Variants in CUL2 observed in about 807,000 individuals in gnomAD.
CUL2 encodes cullin-2.
CUL2 carries 22 observed loss-of-function variants against 110.2 expected under a neutral mutation model. The observed-to-expected ratio is 0.20, with a 90% CI of 0.14 to 0.28. The LOEUF (loss-of-function observed/expected upper bound fraction) is 0.28, where lower values mean the gene tolerates loss of function less well. Ranked by LOEUF, CUL2 falls within the 10% of genes least tolerant of loss-of-function variation. CUL2 has a pLI of 1.00. For synonymous variants in CUL2, 279 were observed against 293.2 expected, an observed-to-expected ratio of 0.95 and a Z score of 0.49; for missense variants, 631 against 905.5, an observed-to-expected ratio of 0.70 and a Z score of 3.89.
At chr10:35,091,144 T>C (rs2087197707), upstream of CUL2, among the ~76,000 whole-genome samples, 1 of 152,174 alleles carries the variant, frequency 6.6e-6, no homozygotes, top group Non-Finnish European at 1.5e-5. Flanking sequence ...GTAAAGCTGA[T>C]AAAAATATAG....
At chr10:35,048,667 G>A (rs1180114518) in intron 6 of CUL2, among the ~76,000 whole-genome samples, 2 of 152,208 alleles carry the variant, frequency 1.3e-5, no homozygotes, top group African/African-American at 4.8e-5. Flanking sequence ...ACACCCTACT[G>A]CTTCAGTATT....
chr10:35,035,396 G>A, intron 9 of CUL2, 100 bp from the exon 10 acceptor site: 6 of 1,324,470 alleles, frequency 4.5e-6, no homozygotes, highest in Non-Finnish European at 5.2e-6. Context: ...GGATCCAAGT[G>A]CAGAGCACCC....
At chr10:35,124,897 G>A (rs769206942) in intron 1 of CUL2, among the ~76,000 whole-genome samples, 4 of 152,166 alleles carry the variant, frequency 2.6e-5, no homozygotes, top group Non-Finnish European at 4.4e-5. Context: ...CTGACAGCCC[G>A]TATTTTCTCA....
intron 5 of CUL2, among the ~76,000 whole-genome samples, chr10:35,053,642 T>G (rs2086169780): frequency 6.6e-6 from 1 of 152,214 alleles, no homozygotes; most frequent in Non-Finnish European, 1.5e-5. Flanking sequence ...GGACTTGGGA[T>G]TACTTGGTCA....
At chr10:35,107,198 T>A (rs2087470502) in intron 1 of CUL2, among the ~76,000 whole-genome samples, 1 of 151,956 alleles carries the variant, frequency 6.6e-6, no homozygotes, top group African/African-American at 2.4e-5. Context: ...ATGGTCTTGA[T>A]CTCCTGACCT....
chr10:35,011,253 G>A (rs533392640), intron 20 of CUL2, among the ~76,000 whole-genome samples: 21 of 138,614 alleles, frequency 1.5e-4, no homozygotes, highest in Middle Eastern at 4.0e-3. Context: ...GGGTCTCCCT[G>A]TGTTGCCCAG....
intron 4 of CUL2, among the ~76,000 whole-genome samples, chr10:35,057,540 C>A (rs2086268572): frequency 6.6e-6 from 1 of 151,428 alleles, no homozygotes; most frequent in South Asian, 2.1e-4. Flanking sequence ...GTAATCCCAG[C>A]TACTCAGGAG....
chr10:35,059,291 A>C (rs2086323161), intron 4 of CUL2, among the ~76,000 whole-genome samples: 1 of 152,182 alleles, frequency 6.6e-6, no homozygotes, highest in South Asian at 2.1e-4. Flanking sequence ...TTGTGAAGAA[A>C]GAGTCAACTG....
At chr10:35,088,521 A>G (rs1370379440) in intron 1 of CUL2, among the ~76,000 whole-genome samples, 1 of 150,624 alleles carries the variant, frequency 6.6e-6, no homozygotes, top group African/African-American at 2.5e-5. Context: ...AAAAAAAAAA[A>G]GAAATGTAAT....
intron 2 of CUL2, among the ~76,000 whole-genome samples, chr10:35,069,075 G>A (rs777750395): frequency 1.1e-4 from 16 of 151,966 alleles, no homozygotes; most frequent in Non-Finnish European, 2.1e-4. Flanking sequence ...CGCCATGTTG[G>A]TCAGGCTGGT....
chr10:35,068,545 T>C (rs1044526525), intron 2 of CUL2, among the ~76,000 whole-genome samples: 3 of 152,198 alleles, frequency 2.0e-5, no homozygotes, highest in African/African-American at 4.8e-5. Context: ...TTATAGTGAA[T>C]GTGGACAATG....
intron 2 of CUL2, among the ~76,000 whole-genome samples, chr10:35,098,733 C>A (rs1029453886): frequency 2.6e-5 from 4 of 151,680 alleles, no homozygotes; most frequent in Admixed American, 1.3e-4. Context: ...GAGTTCGAGA[C>A]CAACCTGGCC....
intron 1 of CUL2, among the ~76,000 whole-genome samples, chr10:35,104,742 TG>T (rs199665263): frequency 5.3e-5 from 8 of 150,636 alleles, no homozygotes; most frequent in South Asian, 2.1e-4. Flanking sequence ...AAGACTTTTC[TG>T]GGGGGGGGAC....
At chr10:35,019,993 T>G (rs555834221) in intron 17 of CUL2, among the ~76,000 whole-genome samples, 1 of 152,268 alleles carries the variant, frequency 6.6e-6, no homozygotes, top group Admixed American at 6.5e-5. Flanking sequence ...AGTGACCAAA[T>G]TTAGCATCTC....
intron 18 of CUL2, among the ~76,000 whole-genome samples, chr10:35,014,051 C>T (rs1372009406): frequency 6.6e-6 from 1 of 152,192 alleles, no homozygotes; most frequent in Admixed American, 6.5e-5. Flanking sequence ...AAGCTATTTT[C>T]TGGTCCTACT....
intron 1 of CUL2, among the ~76,000 whole-genome samples, chr10:35,089,347 G>A (rs1384713283): frequency 6.6e-6 from 1 of 152,204 alleles, no homozygotes; most frequent in Non-Finnish European, 1.5e-5. Flanking sequence ...ATGTTTTTAA[G>A]CGATTATTAT....
At chr10:35,018,909 T>C (rs2085115398) in intron 17 of CUL2, among the ~76,000 whole-genome samples, 1 of 152,180 alleles carries the variant, frequency 6.6e-6, no homozygotes, top group Non-Finnish European at 1.5e-5. Context: ...TTCAGAATTA[T>C]CTGGATGGGA....
chr10:35,041,841 A>C (rs2085798438), intron 8 of CUL2, among the ~76,000 whole-genome samples: 1 of 152,110 alleles, frequency 6.6e-6, no homozygotes, highest in Non-Finnish European at 1.5e-5. Context: ...CCAGCCTGAA[A>C]TAAGCTTTTC....
At position 35,062,994 on chromosome 10, in the gene CUL2, A is replaced by T. The variant is rs761312417; in HGVS notation, c.188T>A (p.Ile63Asn). ...ATGCCGAACATGATTTTCCAAAAAAATCTTAGTTTCTGTATAAAGTCTTTC... is the reference window on the plus strand; with the variant it reads ...ATGCCGAACATGATTTTCCAAAAAATTCTTAGTTTCTGTATAAAGTCTTTC... ...LGERLYTETK[I>N]FLENHVRHLH... Residue 63 changes from isoleucine (I) to asparagine (N), a missense_variant, in exon 3 of 21, where the codon ATT becomes AAT. Physicochemically the swap from Ile to Asn is moderately radical, Grantham distance 149. Transcript: ENST00000374749. The T allele has an allele frequency of 2.5e-5, 41 of 1,610,756 alleles. No homozygotes were observed. The highest frequency in any genetic ancestry group is 1.6e-4 in the Middle Eastern group (1 of 6,078).
Sources: gnomAD v4.1 joint callset for allele counts (sites outside exome capture counted in the v4.1 genomes callset) on GRCh38, gnomAD v4.1.1 for gene constraint, MANE v1.5 for transcripts, NCBI Gene and HGNC (gene_info 2026-07-23, HGNC 2026-07-21) for gene names.